CUL4A: variants seen among roughly 807,000 people sequenced by gnomAD.
The protein encoded by CUL4A is cullin 4A.
A neutral mutation model predicts 95.5 loss-of-function variants in CUL4A; 16 were observed. The observed-to-expected ratio is 0.17, with a 90% CI of 0.11 to 0.25. The LOEUF (loss-of-function observed/expected upper bound fraction) is 0.25, where lower values mean the gene tolerates loss of function less well. CUL4A is among the 10% of genes least tolerant of loss of function. The pLI is 1.00. For missense variants in CUL4A, 610 were observed against 937.0 expected, an observed-to-expected ratio of 0.65 and a Z score of 4.56; for synonymous variants, 380 against 353.1, an observed-to-expected ratio of 1.08 and a Z score of -0.85.
chr13:113,213,657 T>C (rs1299050568), intron 2 of CUL4A, among the ~76,000 whole-genome samples: 2 of 152,366 alleles, frequency 1.3e-5, no homozygotes, highest in South Asian at 2.1e-4. Context: ...CACAGTGATA[T>C]GTCTTATAAA....
intron 10 of CUL4A, among the ~76,000 whole-genome samples, chr13:113,241,848 C>CAT (rs1555303997): frequency 4.0e-5 from 6 of 151,852 alleles, no homozygotes; most frequent in African/African-American, 1.5e-4. Context: ...AGCTACCTCG[C>CAT]GTGTGTGTGT....
chr13:113,261,609 T>C (rs1217238750), intron 19 of CUL4A, among the ~76,000 whole-genome samples: 2 of 152,180 alleles, frequency 1.3e-5, no homozygotes, highest in Admixed American at 6.5e-5. Context: ...GCAAGTCTCC[T>C]GTTGCCACTG....
At chr13:113,216,240 T>G (rs968732977) in intron 2 of CUL4A, among the ~76,000 whole-genome samples, 1 of 152,248 alleles carries the variant, frequency 6.6e-6, no homozygotes. Context: ...CTCCATGGCC[T>G]TCCTTGTTCT....
intron 10 of CUL4A, among the ~76,000 whole-genome samples, chr13:113,239,995 T>C (rs979144831): frequency 6.6e-6 from 1 of 152,248 alleles, no homozygotes; most frequent in Non-Finnish European, 1.5e-5. Context: ...ATTTAGGATT[T>C]ATTACTTAAA....
intron 9 of CUL4A, 77 bp downstream of exon 9, chr13:113,236,967 A>C (rs925694095): frequency 4.1e-6 from 4 of 966,286 alleles, no homozygotes; most frequent in Non-Finnish European, 6.5e-6. Context: ...GGGGCATTAC[A>C]AATAGCAGTG....
intron 2 of CUL4A, among the ~76,000 whole-genome samples, chr13:113,212,645 C>T (rs546039403): frequency 3.3e-5 from 5 of 152,142 alleles, no homozygotes; most frequent in Admixed American, 6.5e-5. Flanking sequence ...ATTAGCCGGG[C>T]GTGGTGGCAG....
intron 5 of CUL4A, among the ~76,000 whole-genome samples, chr13:113,231,380 A>C (rs1393297236): frequency 6.6e-6 from 1 of 152,198 alleles, no homozygotes; most frequent in Non-Finnish European, 1.5e-5. Flanking sequence ...GTAAGTTCAA[A>C]GCCGAGTATC....
upstream of CUL4A, chr13:113,208,414 C>T: frequency 6.7e-7 from 1 of 1,483,994 alleles, no homozygotes; most frequent in South Asian, 1.3e-5. Flanking sequence ...CAGGGGAGAA[C>T]TCGGGCCGCC....
At chr13:113,213,934 A>G (rs1292631148) in intron 2 of CUL4A, among the ~76,000 whole-genome samples, 1 of 152,262 alleles carries the variant, frequency 6.6e-6, no homozygotes, top group African/African-American at 2.4e-5. Flanking sequence ...CCTCAGATCT[A>G]TTGGAAGCAA....
intron 19 of CUL4A, 144 bp downstream of exon 19, chr13:113,260,903 A>G (rs146075070): frequency 2.5e-5 from 16 of 651,910 alleles, no homozygotes. Context: ...AAACTGGCAA[A>G]TGTGAAGCTC....
chr13:113,245,120 C>A, intron 13 of CUL4A, 32 bp from the exon 14 acceptor site: 1 of 1,612,504 alleles, frequency 6.2e-7, no homozygotes, highest in South Asian at 1.1e-5. Context: ...CGTGTGTTAC[C>A]CCGATCTCAC....
intron 3 of CUL4A, chr13:113,219,474 C>G (rs912567283): frequency 1.3e-5 from 2 of 159,022 alleles, no homozygotes; most frequent in Admixed American, 6.2e-5. Context: ...CGGGCAGAGT[C>G]AAGGTGTCAG....
intron 2 of CUL4A, among the ~76,000 whole-genome samples, chr13:113,212,894 A>G (rs916705973): frequency 1.3e-5 from 2 of 152,214 alleles, no homozygotes; most frequent in Non-Finnish European, 2.9e-5. Flanking sequence ...AAAACCACGT[A>G]GGAGTAGGAG....
In CUL4A at chr13:113,234,990, AC is replaced by A. The variant is rs969098923; in HGVS notation, c.766-72del. 30 of 1,152,474 alleles carry A rather than the reference AC, an allele frequency of 2.6e-5. No individual in the cohort carries two copies. The Admixed American group carries it at 4.7e-4, about 18-fold the overall frequency. 71.4% of individuals were successfully genotyped at this position (1,152,474 alleles called of 1,614,324 possible). ...TTTAAAAAAATTACATGTAAGGAAA[AC>A]AAAATCTCAATTTCTTGGATAGTGT... On this transcript the variant is annotated intron_variant, in intron 7 of 19. Transcript: ENST00000375440.
At chr13:113,240,306 C>A (rs1057466780) in intron 10 of CUL4A, among the ~76,000 whole-genome samples, 1 of 152,198 alleles carries the variant, frequency 6.6e-6, no homozygotes, top group African/African-American at 2.4e-5. Flanking sequence ...GCAGCCCTCA[C>A]CACAAAGAAT....
chr13:113,239,586 A>G, intron 10 of CUL4A, 35 bp downstream of exon 10: 3 of 1,530,792 alleles, frequency 2.0e-6, no homozygotes, highest in Non-Finnish European at 1.8e-6. Context: ...GGGCGTGGGC[A>G]TTCCCTGCAG....
chr13:113,236,481 C>T (rs1171093079), intron 8 of CUL4A, among the ~76,000 whole-genome samples: 1 of 152,188 alleles, frequency 6.6e-6, no homozygotes, highest in Admixed American at 6.5e-5. Context: ...TGCCCTTCTC[C>T]GTAAGATGGT....
At chr13:113,240,250 G>A (rs34568744) in intron 10 of CUL4A, among the ~76,000 whole-genome samples, 3 of 150,030 alleles carry the variant, frequency 2.0e-5, no homozygotes, top group Non-Finnish European at 2.9e-5. Flanking sequence ...GAGAGGGTGC[G>A]GCTTGCTTTG....
intron 14 of CUL4A, 101 bp from the exon 15 acceptor site, chr13:113,245,855 A>G (rs909927479): frequency 2.2e-6 from 2 of 894,406 alleles, no homozygotes; most frequent in Non-Finnish European, 3.4e-6. Flanking sequence ...ATTCTAACAC[A>G]GATGAAACTT....
Sources: gnomAD v4.1 joint callset for allele counts (sites outside exome capture counted in the v4.1 genomes callset) on GRCh38, gnomAD v4.1.1 for gene constraint, MANE v1.5 for transcripts, NCBI Gene and HGNC (gene_info 2026-07-23, HGNC 2026-07-21) for gene names.